Variants in MYL3 observed in about 807,000 individuals in gnomAD.
The protein encoded by MYL3 is CMLC1.
MYL3 carries 11 observed loss-of-function variants against 21.3 expected under a neutral mutation model. The observed-to-expected ratio is 0.52, with a 90% CI of 0.32 to 0.85. The LOEUF (loss-of-function observed/expected upper bound fraction) is 0.85. Among genes scored for constraint, MYL3 ranks in the 40% least tolerant of loss-of-function variants. MYL3 has a pLI of 0.03. For synonymous variants in MYL3, 88 were observed against 91.6 expected (o/e 0.96, Z 0.22); for missense variants, 206 against 253.3 (o/e 0.81, Z 1.27).
intron 1 of MYL3, among the ~76,000 whole-genome samples, chr3:46,862,576 G>A (rs1283204415): frequency 1.3e-5 from 2 of 152,182 alleles, no homozygotes; most frequent in African/African-American, 4.8e-5. Flanking sequence ...CACAGGGTAC[G>A]TGCTGCTATG....
At chr3:46,865,635 C>T (rs764406794), upstream of MYL3, among the ~76,000 whole-genome samples, 6 of 152,328 alleles carry the variant, frequency 3.9e-5, no homozygotes, top group South Asian at 2.1e-4. This position sits in a 1 kb window ranked among gnomAD's most constrained non-coding sequence, Gnocchi z 4.3. Flanking sequence ...AACCACCCAA[C>T]GTTGGCCCAA....
chr3:46,871,690 C>A (rs1258436903), intron 1 of MYL3, among the ~76,000 whole-genome samples: 5 of 152,176 alleles, frequency 3.3e-5, no homozygotes, highest in Non-Finnish European at 7.3e-5. Context: ...AGCACAAGAA[C>A]CCCCAAATGC....
At chr3:46,862,965 A>T (rs1702007630) in intron 1 of MYL3, among the ~76,000 whole-genome samples, 1 of 152,244 alleles carries the variant, frequency 6.6e-6, no homozygotes, top group Admixed American at 6.5e-5. Flanking sequence ...GAAGAAGGGC[A>T]AGGGAGAGTC....
Position 46,863,254 on chromosome 3 carries a change from A to G in MYL3, c.129+8T>C, listed in dbSNP as rs1426738322. On this transcript the variant is annotated splice_region_variant and intron_variant, in intron 1 of 6. Coordinates refer to ENST00000292327, the MANE Select transcript of MYL3 (RefSeq NM_000258.3). ...CTCCTATTGCCACCACCCAGCTTCC[A>G]TACCCACCTTGATCTTGGAAGCATC... is the stretch of plus-strand genomic sequence containing the variant. The G allele has an allele frequency of 6.2e-7, 1 of 1,614,032 alleles. No individual in the cohort carries two copies. The highest frequency in any genetic ancestry group is 8.5e-7 in the Non-Finnish European group (1 of 1,179,970).
rs763012715 is a variant in MYL3 at position 46,860,862 on chromosome 3, G to A, written c.158-37C>T. On this transcript the variant is annotated intron_variant, in intron 2 of 6. Transcript: ENST00000292327. This position sits in a 1 kb window ranked among gnomAD's most constrained non-coding sequence, Gnocchi z 4.6. ...GGGCAGTGAGCCACAGACACTCCCA[G>A]GGTCAGCCTACCCCACTCCCCACAC... 6.2e-7 allele frequency: 1 copy of A among 1,614,072 alleles called. No individual in the cohort carries two copies. Among genetic ancestry groups the A allele is most frequent in the Non-Finnish European group, 8.5e-7 (1 of 1,179,986 alleles).
At chr3:46,868,063 C>T (rs1202942798), upstream of MYL3, among the ~76,000 whole-genome samples, 1 of 152,186 alleles carries the variant, frequency 6.6e-6, no homozygotes, top group Non-Finnish European at 1.5e-5. Flanking sequence ...CTACACCATC[C>T]CATGGCCCTG....
At position 46,857,963 on chromosome 3, in the gene MYL3, G is replaced by C; in HGVS notation, c.*152C>G. ...TAAGCACAGCCTGAGAGGGGCCAGAGACGGCAACCACGTGGAGAGGTCCAA... is the reference window on the plus strand; with the variant it reads ...TAAGCACAGCCTGAGAGGGGCCAGACACGGCAACCACGTGGAGAGGTCCAA... On this transcript the variant is annotated 3_prime_UTR_variant, in exon 7 of 7. Transcript: ENST00000292327. This position sits in a 1 kb window ranked among gnomAD's most constrained non-coding sequence, Gnocchi z 5.0. 1.8e-6 allele frequency: 1 copy of C among 542,674 alleles called. No homozygotes were observed. The highest frequency in any genetic ancestry group is 3.3e-6 in the Non-Finnish European group (1 of 299,710). 33.6% of individuals were successfully genotyped at this position (542,674 alleles called of 1,614,324 possible).
intron 1 of MYL3, among the ~76,000 whole-genome samples, chr3:46,870,086 G>A (rs1420825496): frequency 6.6e-6 from 1 of 152,050 alleles, no homozygotes; most frequent in African/African-American, 2.4e-5. Flanking sequence ...AGAGAGGGTT[G>A]GTAGGAGGGT....
At chr3:46,858,523 C>T in intron 4 of MYL3, 62 bp from the exon 5 acceptor site, 1 of 1,506,838 alleles carries the variant, frequency 6.6e-7, no homozygotes, top group South Asian at 1.1e-5. Context: ...GGTGGGGGCA[C>T]CCACTGAATC....
upstream of MYL3, among the ~76,000 whole-genome samples, chr3:46,868,356 C>T (rs966530533): frequency 1.3e-5 from 2 of 152,186 alleles, no homozygotes; most frequent in South Asian, 2.1e-4. Flanking sequence ...ATCCTCACTA[C>T]CCCCACACCA....
rs1432464250 is a variant in MYL3, at chr3:46,859,851, T to A, written c.308-203A>T. On this transcript the variant is annotated intron_variant, in intron 3 of 6. Coordinates refer to ENST00000292327, the MANE Select transcript of MYL3 (RefSeq NM_000258.3). This position sits in a 1 kb window ranked among gnomAD's most constrained non-coding sequence, Gnocchi z 4.1. ...CTTTACAGTCTACTGAGCAATGCAC[T>A]GTTTCCATAGCCCTTTGCTATTCAC... Among the ~76,000 whole-genome samples, 1 of 152,344 alleles carries A rather than the reference T, an allele frequency of 6.6e-6. No homozygotes were observed. The highest frequency in any genetic ancestry group is 2.4e-5 in the African/African-American group (1 of 41,582).
In MYL3 at chr3:46,860,570, G is replaced by T; in HGVS notation, c.307+106C>A. On this transcript the variant is annotated intron_variant, in intron 3 of 6. Coordinates refer to ENST00000292327, the MANE Select transcript of MYL3 (RefSeq NM_000258.3). The surrounding 1 kb of genome is among the most constrained non-coding windows in gnomAD (Gnocchi z 4.6). Reference sequence around the variant, plus strand: ...CTCGGTGCCCTCATCGGGACAATGCGAGATGTCAGGAAAGATTCTCGTGCT... The same window carrying T: ...CTCGGTGCCCTCATCGGGACAATGCTAGATGTCAGGAAAGATTCTCGTGCT... 1 of 1,503,072 alleles carries T rather than the reference G, an allele frequency of 6.7e-7. No individual in the cohort carries two copies. The highest frequency in any genetic ancestry group is 9.0e-7 in the Non-Finnish European group (1 of 1,109,054). 93.1% of individuals were successfully genotyped at this position (1,503,072 alleles called of 1,614,324 possible).
At chr3:46,870,806 CT>C (rs938528905) in intron 1 of MYL3, among the ~76,000 whole-genome samples, 2 of 152,150 alleles carry the variant, frequency 1.3e-5, no homozygotes, top group African/African-American at 4.8e-5. Flanking sequence ...TGCCTAGTCC[CT>C]TTCCACCAGT....
Position 46,861,019 on chromosome 3 carries a change from G to T in MYL3, c.130-32C>A, listed in dbSNP as rs776412048. Reference sequence around the variant, plus strand: ...AGAGACCCCAAAGACTCAGATGCCCGGCTTAAAAGGTGGGGCCACACCTCC... The same window carrying T: ...AGAGACCCCAAAGACTCAGATGCCCTGCTTAAAAGGTGGGGCCACACCTCC... On this transcript the variant is annotated intron_variant, in intron 1 of 6. Coordinates refer to ENST00000292327, the MANE Select transcript of MYL3 (RefSeq NM_000258.3). The surrounding 1 kb of genome is among the most constrained non-coding windows in gnomAD (Gnocchi z 4.2). 163 of 1,613,502 alleles carry T rather than the reference G, an allele frequency of 1.0e-4. No individual in the cohort carries two copies. Among genetic ancestry groups the T allele is most frequent in the Non-Finnish European group, 1.3e-4 (154 of 1,179,772 alleles).
At chr3:46,869,804 A>G (rs1386856414) in intron 1 of MYL3, among the ~76,000 whole-genome samples, 1 of 152,212 alleles carries the variant, frequency 6.6e-6, no homozygotes, top group Non-Finnish European at 1.5e-5. Flanking sequence ...CAATTCAGTC[A>G]AAAATGCAAG....
rs1302965289 is a variant in MYL3 at position 46,874,621 on chromosome 3, T to A, written c.-218+7453A>T. ...TTTTGAGTTTAAGAAAACTTTGCAG[T>A]CGGCAGGAGCTCTTAAAGGTTATAA... On this transcript the variant is annotated intron_variant, in intron 1 of 3. Transcript: ENST00000431168. This position sits in a 1 kb window ranked among gnomAD's most constrained non-coding sequence, Gnocchi z 4.1. 6.6e-6 allele frequency among the ~76,000 whole-genome samples: 1 copy of A among 152,058 alleles called. No homozygotes were observed. Among genetic ancestry groups the A allele is most frequent in the Admixed American group, 6.6e-5 (1 of 15,266 alleles).
Position 46,860,799 on chromosome 3 carries a change from C to A in MYL3, c.184G>T (p.Asp62Tyr). ...TTCATCTCACACTTGGGTGTGCGGT[C>A]GAACAGCATGAAGGCTTCCTTGAAC... The part of the protein sequence containing the change: ...EEFKEAFMLF[D>Y]RTPKCEMKIT... Residue 62 changes from aspartate to tyrosine, a missense_variant, in exon 3 of 7, where the codon GAC becomes TAC. Asp to Tyr is a radical substitution (Grantham distance 160). Transcript: ENST00000292327. The surrounding 1 kb of genome is among the most constrained non-coding windows in gnomAD (Gnocchi z 4.6). The A allele has an allele frequency of 1.9e-6, 3 of 1,614,064 alleles. No individual in the cohort carries two copies. The highest frequency in any genetic ancestry group is 2.2e-5 in the South Asian group (2 of 91,044).
At chr3:46,863,917 G>A (rs2233262), upstream of MYL3, among the ~76,000 whole-genome samples, 7,374 of 152,190 alleles carry the variant, frequency 0.048, 254 homozygotes, top group Non-Finnish European at 0.074. Context: ...GTGTCCATGT[G>A]GGGGAAGGCG....
chr3:46,858,159 T>C, intron 6 of MYL3, 58 bp from the exon 7 acceptor site: 2 of 1,522,076 alleles, frequency 1.3e-6, no homozygotes, highest in Non-Finnish European at 1.8e-6. Flanking sequence ...CAGCAGGATG[T>C]CAAGTGAGCA....
Sources: allele counts gnomAD v4.1 joint callset (sites outside exome capture counted in the v4.1 genomes callset), GRCh38; gene constraint gnomAD v4.1.1; non-coding constraint Gnocchi (gnomAD v3.1); transcripts MANE v1.5; gene names NCBI Gene and HGNC (gene_info 2026-07-23, HGNC 2026-07-21).